The following CCSER1 variants were observed in gnomAD, a reference collection of about 807,000 sequenced individuals.
The protein encoded by CCSER1 is serine-rich coiled-coil domain-containing protein 1.
In CCSER1, 41 loss-of-function variants were observed where a neutral mutation model predicts 82.0. The observed-to-expected ratio is 0.50, with a 90% confidence interval of 0.39 to 0.65. The LOEUF (loss-of-function observed/expected upper bound fraction) is 0.65. Ranked by LOEUF, CCSER1 falls within the 30% of genes least tolerant of loss-of-function variation. The probability of loss-of-function intolerance (pLI) is 0.00; values close to 1 mark genes in which losing one functional copy is unlikely to be tolerated. For missense variants in CCSER1, 1,119 were observed against 1,064.2 expected (o/e 1.05, Z -0.72); for synonymous variants, 414 against 383.9 (o/e 1.08, Z -0.92).
At chr4:91,182,987 G>T (rs1242749826) in intron 10 of CCSER1, among the ~76,000 whole-genome samples, 2 of 152,208 alleles carry the variant, frequency 1.3e-5, no homozygotes, top group African/African-American at 4.8e-5. Context: ...ATTAACATGG[G>T]TTAAATTGTG....
intron 10 of CCSER1, among the ~76,000 whole-genome samples, chr4:91,256,574 C>T (rs1295593746): frequency 1.3e-5 from 2 of 152,120 alleles, no homozygotes; most frequent in African/African-American, 4.8e-5. Context: ...TAAAATTTCT[C>T]CCTTTTTTAG....
intron 5 of CCSER1, among the ~76,000 whole-genome samples, chr4:90,606,823 G>T (rs1784782153): frequency 6.6e-6 from 1 of 152,116 alleles, no homozygotes; most frequent in South Asian, 2.1e-4. Flanking sequence ...GGGTTTCTGT[G>T]ACACTCATAC....
At chr4:91,165,772 C>T (rs1731983437) in intron 10 of CCSER1, among the ~76,000 whole-genome samples, 1 of 152,244 alleles carries the variant, frequency 6.6e-6, no homozygotes, top group Non-Finnish European at 1.5e-5. Context: ...ATGTCATTTG[C>T]TAAGACCATT....
chr4:91,003,492 C>G (rs1738227444), intron 9 of CCSER1, among the ~76,000 whole-genome samples: 1 of 152,076 alleles, frequency 6.6e-6, no homozygotes, highest in Admixed American at 6.5e-5. Context: ...TGAAGGTTGT[C>G]AGGGAAGTGG....
rs76552523 is a variant in CCSER1 at position 90,152,802 on chromosome 4, T to C, written c.-42+24971T>C. Among the ~76,000 whole-genome samples the C allele has an allele frequency of 5.9e-3, 894 of 152,048 alleles. 13 individuals carry two copies. Among genetic ancestry groups the C allele is most frequent in the African/African-American group, 0.02 (838 of 41,478 alleles). On this transcript the variant is annotated intron_variant, in intron 1 of 10. Coordinates refer to ENST00000509176, the MANE Select transcript of CCSER1 (RefSeq NM_001145065.2). ...TATTCTGTAGATGATGGGAGGTGCT[T>C]AAGCTTTTGAGCAGTAGACCAGCAT...
intron 10 of CCSER1, among the ~76,000 whole-genome samples, chr4:91,390,919 A>C (rs939744087): frequency 6.6e-6 from 1 of 151,958 alleles, no homozygotes; most frequent in Admixed American, 6.6e-5. Context: ...CTGTAGTTAT[A>C]TCTCCTATCT....
At chr4:90,159,315 G>T (rs1281039708) in intron 1 of CCSER1, among the ~76,000 whole-genome samples, 1 of 152,102 alleles carries the variant, frequency 6.6e-6, no homozygotes, top group Non-Finnish European at 1.5e-5. Context: ...AAAGCACTGG[G>T]ATTAAAGGCA....
chr4:90,833,912 C>G (rs1761457864), intron 8 of CCSER1, among the ~76,000 whole-genome samples: 1 of 152,062 alleles, frequency 6.6e-6, no homozygotes, highest in Non-Finnish European at 1.5e-5. Flanking sequence ...GCTAATTCAG[C>G]CCCTGGTGCC....
At chr4:90,136,963 A>G (rs143206890) in intron 1 of CCSER1, among the ~76,000 whole-genome samples, 27 of 152,312 alleles carry the variant, frequency 1.8e-4, no homozygotes, top group African/African-American at 6.0e-4. Context: ...AAGTTTCAAT[A>G]TATTTTAGAG....
chr4:90,391,070 C>A (rs1055182502), intron 3 of CCSER1, among the ~76,000 whole-genome samples: 4 of 147,018 alleles, frequency 2.7e-5, no homozygotes, highest in Non-Finnish European at 6.0e-5. Flanking sequence ...TCAAGACCAG[C>A]CTGGCCAACA....
At chr4:91,488,291 T>A (rs1156772709) in intron 10 of CCSER1, among the ~76,000 whole-genome samples, 2 of 152,356 alleles carry the variant, frequency 1.3e-5, no homozygotes, top group East Asian at 3.9e-4. Flanking sequence ...TGTGATTTTT[T>A]AAAATCAATT....
intron 5 of CCSER1, among the ~76,000 whole-genome samples, chr4:90,503,585 C>G (rs1359847124): frequency 6.6e-6 from 1 of 151,988 alleles, no homozygotes; most frequent in Non-Finnish European, 1.5e-5. Flanking sequence ...ATAACAGGCC[C>G]CAGTGTGTGA....
chr4:91,260,079 C>T (rs1740988663), intron 10 of CCSER1, among the ~76,000 whole-genome samples: 1 of 152,234 alleles, frequency 6.6e-6, no homozygotes, highest in African/African-American at 2.4e-5. Context: ...AAAATTAATT[C>T]AATTCACAGC....
At chr4:91,187,370 G>A (rs1277472745) in intron 10 of CCSER1, among the ~76,000 whole-genome samples, 1 of 152,024 alleles carries the variant, frequency 6.6e-6, no homozygotes, top group African/African-American at 2.4e-5. Flanking sequence ...TTTTAAGTCT[G>A]GAAGAGATTT....
At chr4:91,094,721 T>C (rs1724325967) in intron 10 of CCSER1, among the ~76,000 whole-genome samples, 1 of 152,126 alleles carries the variant, frequency 6.6e-6, no homozygotes. Context: ...AGGATTGTCC[T>C]CCGCCCATAC....
chr4:90,884,044 A>G (rs1721743910), intron 8 of CCSER1, among the ~76,000 whole-genome samples: 1 of 152,110 alleles, frequency 6.6e-6, no homozygotes, highest in Non-Finnish European at 1.5e-5. Flanking sequence ...AGTGAGGGGT[A>G]GAGGAGGCTG....
chr4:91,382,026 G>A (rs913545438), intron 10 of CCSER1, among the ~76,000 whole-genome samples: 1 of 152,216 alleles, frequency 6.6e-6, no homozygotes, highest in Non-Finnish European at 1.5e-5. Context: ...GCCCATTCCA[G>A]ATCCTGTTTG....
At chr4:90,926,563 A>G (rs962031150) in intron 9 of CCSER1, among the ~76,000 whole-genome samples, 2 of 152,112 alleles carry the variant, frequency 1.3e-5, no homozygotes, top group Admixed American at 6.6e-5. Context: ...AAAGATTTGT[A>G]CAATAAACTA....
chr4:91,417,439 C>T (rs1753432640), intron 10 of CCSER1, among the ~76,000 whole-genome samples: 1 of 151,928 alleles, frequency 6.6e-6, no homozygotes, highest in Non-Finnish European at 1.5e-5. Flanking sequence ...ATTGAATCAA[C>T]CCAAATGTTC....
Sources: gnomAD v4.1 joint callset for allele counts (sites outside exome capture counted in the v4.1 genomes callset) on GRCh38, gnomAD v4.1.1 for gene constraint, MANE v1.5 for transcripts, NCBI Gene and HGNC (gene_info 2026-07-23, HGNC 2026-07-21) for gene names.